Variants in CTNNA3 observed in about 807,000 individuals in gnomAD.
The protein encoded by CTNNA3 is catenin alpha-3.
CTNNA3 carries 76 observed loss-of-function variants against 95.7 expected under a neutral mutation model. The observed-to-expected ratio is 0.79, with a 90% CI of 0.66 to 0.96. CTNNA3 has a LOEUF of 0.96. Among genes scored for constraint, CTNNA3 ranks in the 40% least tolerant of loss-of-function variants. The pLI is 0.00. For missense variants in CTNNA3, 1,191 were observed against 1,089.8 expected, an observed-to-expected ratio of 1.09 and a Z score of -1.31; for synonymous variants, 431 against 374.4, an observed-to-expected ratio of 1.15 and a Z score of -1.74.
chr10:66,580,590 G>C (rs1048720951), intron 10 of CTNNA3, among the ~76,000 whole-genome samples: 1 of 151,696 alleles, frequency 6.6e-6, no homozygotes, highest in African/African-American at 2.4e-5. Context: ...TTCAGCTTGA[G>C]ATCTTCCTGG....
chr10:67,485,311 C>T (rs1257742479), intron 5 of CTNNA3, among the ~76,000 whole-genome samples: 1 of 152,032 alleles, frequency 6.6e-6, no homozygotes, highest in Non-Finnish European at 1.5e-5. Context: ...TTCTTGGGGA[C>T]TAGTAGAGGT....
chr10:67,486,280 T>C (rs1038263880), intron 5 of CTNNA3, among the ~76,000 whole-genome samples: 2 of 152,216 alleles, frequency 1.3e-5, no homozygotes, highest in Admixed American at 1.3e-4. Flanking sequence ...TCACCTCATA[T>C]CTGATAAACA....
intron 4 of CTNNA3, among the ~76,000 whole-genome samples, chr10:67,529,996 G>T (rs1004156074): frequency 3.3e-5 from 5 of 152,142 alleles, no homozygotes; most frequent in Admixed American, 2.6e-4. Context: ...CCCTACACAA[G>T]CTCTCTCTTT....
chr10:67,032,270 T>C (rs1853775015), intron 7 of CTNNA3, among the ~76,000 whole-genome samples: 1 of 152,196 alleles, frequency 6.6e-6, no homozygotes, highest in African/African-American at 2.4e-5. Context: ...TCATTGCTTT[T>C]TTTTTGTTTG....
intron 1 of CTNNA3, among the ~76,000 whole-genome samples, chr10:67,679,072 G>A (rs4525111): frequency 0.018 from 2,796 of 152,276 alleles, 91 homozygotes; most frequent in African/African-American, 0.064. Flanking sequence ...ACAATCTTGA[G>A]ATGAAATTGA....
At chr10:67,295,768 G>C (rs978819613) in intron 5 of CTNNA3, among the ~76,000 whole-genome samples, 1 of 152,172 alleles carries the variant, frequency 6.6e-6, no homozygotes, top group African/African-American at 2.4e-5. Context: ...AGAAGAATAA[G>C]AGTTGAATAA....
At chr10:66,058,331 C>T (rs1389263317) in intron 15 of CTNNA3, among the ~76,000 whole-genome samples, 2 of 152,042 alleles carry the variant, frequency 1.3e-5, no homozygotes, top group Non-Finnish European at 2.9e-5. Flanking sequence ...GAAAAGACAG[C>T]GGGGGCAGAA....
At chr10:66,978,552 A>AAAATATATATATATATATATATAT in intron 7 of CTNNA3, among the ~76,000 whole-genome samples, 1 of 37,884 alleles carries the variant, frequency 2.6e-5, no homozygotes, top group African/African-American at 8.7e-5. Context: ...AAAAAAAAAA[A>AAAATATATATATATATATATATAT]ATATATATAT....
At chr10:67,244,517 G>A (rs751008358) in intron 5 of CTNNA3, among the ~76,000 whole-genome samples, 2 of 152,186 alleles carry the variant, frequency 1.3e-5, no homozygotes, top group African/African-American at 4.8e-5. Flanking sequence ...ATTTCAACAA[G>A]TATTTATATA....
At chr10:66,321,202 A>C (rs1039820865) in intron 12 of CTNNA3, among the ~76,000 whole-genome samples, 2 of 152,038 alleles carry the variant, frequency 1.3e-5, no homozygotes. Flanking sequence ...GAATAGGTAA[A>C]AAATAAAATA....
At chr10:66,766,087 C>T in intron 9 of CTNNA3, 177 bp downstream of exon 9, 1 of 487,086 alleles carries the variant, frequency 2.1e-6, no homozygotes, top group East Asian at 2.9e-5. Flanking sequence ...ATAAGACAAG[C>T]CAATGTGGAG....
intron 9 of CTNNA3, among the ~76,000 whole-genome samples, chr10:66,716,765 C>T (rs1486236174): frequency 6.6e-6 from 1 of 152,078 alleles, no homozygotes; most frequent in Admixed American, 6.6e-5. Context: ...AAGGTGCTAT[C>T]CTAGGGAATA....
intron 11 of CTNNA3, among the ~76,000 whole-genome samples, chr10:66,385,618 GC>G (rs1337815121): frequency 6.6e-6 from 1 of 152,130 alleles, no homozygotes. Context: ...TGATACCAAA[GC>G]CTGGCAGAGA....
At chr10:67,141,688 T>C (rs1250817160) in intron 7 of CTNNA3, among the ~76,000 whole-genome samples, 1 of 152,202 alleles carries the variant, frequency 6.6e-6, no homozygotes, top group African/African-American at 2.4e-5. Flanking sequence ...ATTTTCTTTC[T>C]ATGGAACATT....
intron 5 of CTNNA3, among the ~76,000 whole-genome samples, chr10:67,339,412 A>C (rs1299608483): frequency 1.3e-5 from 2 of 152,158 alleles, no homozygotes; most frequent in African/African-American, 2.4e-5. Context: ...AATAATGGCA[A>C]TACTGAAGCA....
chr10:66,740,498 T>C (rs530288949), intron 9 of CTNNA3, among the ~76,000 whole-genome samples: 1 of 152,334 alleles, frequency 6.6e-6, no homozygotes, highest in East Asian at 1.9e-4. Flanking sequence ...AATTAGTCCC[T>C]TTTTCCTAAT....
intron 7 of CTNNA3, among the ~76,000 whole-genome samples, chr10:67,005,579 T>A (rs1851918670): frequency 6.6e-6 from 1 of 151,426 alleles, no homozygotes; most frequent in Non-Finnish European, 1.5e-5. Flanking sequence ...AAGGTGAATA[T>A]ATCTGATGAA....
At chr10:66,543,083 A>T (rs1841914165) in intron 10 of CTNNA3, among the ~76,000 whole-genome samples, 1 of 152,078 alleles carries the variant, frequency 6.6e-6, no homozygotes, top group Non-Finnish European at 1.5e-5. Flanking sequence ...TAAGTAAGTT[A>T]GAGTGCAGAA....
At chr10:66,206,816 G>C (rs12251332) in intron 13 of CTNNA3, among the ~76,000 whole-genome samples, 5,534 of 151,786 alleles carry the variant, frequency 0.036, 325 homozygotes, top group African/African-American at 0.13. Context: ...CTACTCTTTT[G>C]TAAGCTTTAA....
Sources: gnomAD v4.1 joint callset for allele counts (sites outside exome capture counted in the v4.1 genomes callset) on GRCh38, gnomAD v4.1.1 for gene constraint, MANE v1.5 for transcripts, NCBI Gene and HGNC (gene_info 2026-07-23, HGNC 2026-07-21) for gene names.